DGKH: variants seen among roughly 807,000 people sequenced by gnomAD.
The protein encoded by DGKH is DAG kinase eta.
In DGKH, 90 loss-of-function variants were observed where a neutral mutation model predicts 159.3. The ratio of observed to expected loss-of-function variants is 0.57; its 90% confidence interval spans 0.48 to 0.67. The LOEUF is 0.67. Ranked by LOEUF, DGKH falls within the 30% of genes least tolerant of loss-of-function variation. The pLI, the probability that DGKH is intolerant of heterozygous loss-of-function variation, is 0.00. For synonymous variants in DGKH, 536 were observed against 553.8 expected (o/e 0.97, Z 0.45); for missense variants, 1,181 against 1,506.1 (o/e 0.78, Z 3.57).
intron 7 of DGKH, among the ~76,000 whole-genome samples, chr13:42,163,749 A>T (rs1445259179): frequency 1.3e-5 from 2 of 151,122 alleles, no homozygotes; most frequent in Non-Finnish European, 3.0e-5. Flanking sequence ...TTCATTGTAG[A>T]TTCTGGATAT....
intron 1 of DGKH, among the ~76,000 whole-genome samples, chr13:42,079,242 T>C (rs1463062849): frequency 6.6e-6 from 1 of 152,114 alleles, no homozygotes; most frequent in Non-Finnish European, 1.5e-5. Flanking sequence ...TAAAAATATA[T>C]GTACAAAGTT....
chr13:42,137,936 C>A, intron 3 of DGKH: 1 of 209,442 alleles, frequency 4.8e-6, no homozygotes, highest in Non-Finnish European at 8.3e-6. Flanking sequence ...TGCGCAGGAC[C>A]TGTGGTTGAA....
chr13:42,173,964 CGTGT>C (rs1555270275), intron 11 of DGKH, 92 bp from the exon 12 acceptor site: 278 of 602,268 alleles, frequency 4.6e-4, no homozygotes, highest in African/African-American at 2.0e-3. Flanking sequence ...TGTGTGCGTG[CGTGT>C]GTGTGTGTGT....
At chr13:42,252,755 T>C (rs564003605) in intron 30 of DGKH, among the ~76,000 whole-genome samples, 1 of 152,000 alleles carries the variant, frequency 6.6e-6, no homozygotes, top group East Asian at 1.9e-4. Context: ...CCTACAACTT[T>C]TTTTTTTTTT....
chr13:42,089,840 A>T (rs1425813236), intron 1 of DGKH, among the ~76,000 whole-genome samples: 1 of 152,164 alleles, frequency 6.6e-6, no homozygotes, highest in Non-Finnish European at 1.5e-5. Flanking sequence ...GGATTAGGAC[A>T]TGGTCTCTTT....
intron 1 of DGKH, among the ~76,000 whole-genome samples, chr13:42,043,573 C>T (rs1255990220): frequency 6.6e-6 from 1 of 151,952 alleles, no homozygotes; most frequent in Non-Finnish European, 1.5e-5. Flanking sequence ...CTTAAGAGAT[C>T]CTCCTGACAT....
intron 30 of DGKH, among the ~76,000 whole-genome samples, chr13:42,253,504 C>T (rs1380325411): frequency 6.6e-6 from 1 of 152,172 alleles, no homozygotes; most frequent in Non-Finnish European, 1.5e-5. Flanking sequence ...TACGTATAAA[C>T]TAGCTAGTCT....
chr13:42,165,753 C>G (rs1231549932), intron 8 of DGKH, among the ~76,000 whole-genome samples: 2 of 151,808 alleles, frequency 1.3e-5, no homozygotes, highest in African/African-American at 2.4e-5. Context: ...TTTTTTTCCT[C>G]TATAATTGAA....
At chr13:42,162,135 C>T (rs1183828419) in intron 7 of DGKH, among the ~76,000 whole-genome samples, 4 of 152,188 alleles carry the variant, frequency 2.6e-5, no homozygotes, top group Non-Finnish European at 4.4e-5. Context: ...TTCTGAGCTA[C>T]CATCACCTTA....
intron 29 of DGKH, among the ~76,000 whole-genome samples, chr13:42,227,945 C>G (rs1043326963): frequency 6.6e-6 from 1 of 151,882 alleles, no homozygotes; most frequent in Non-Finnish European, 1.5e-5. Context: ...ATTTTATAAC[C>G]CTGTTTTTTA....
intron 3 of DGKH, among the ~76,000 whole-genome samples, chr13:42,143,757 A>G (rs924566868): frequency 2.6e-5 from 4 of 151,794 alleles, no homozygotes; most frequent in African/African-American, 4.8e-5. Context: ...CCCCTTTATC[A>G]TTTTTTATTG....
rs184907536 is a variant in DGKH, at chr13:42,168,013, A to G, written c.1119-427A>G. On this transcript the variant is annotated intron_variant, in intron 9 of 29. Coordinates refer to ENST00000337343, the MANE Select transcript of DGKH (RefSeq NM_178009.5). ...CAGTTGGGAGTCCTGAGAGCAATAC[A>G]ATGATTGGTGTCTTTAGGAACTGCC... is the stretch of plus-strand genomic sequence containing the variant. Among the ~76,000 whole-genome samples the G allele has an allele frequency of 2.6e-5, 4 of 152,290 alleles. No homozygotes were observed. The East Asian group carries it at 7.7e-4, about 29-fold the overall frequency.
intron 1 of DGKH, among the ~76,000 whole-genome samples, chr13:42,111,910 T>A (rs942989567): frequency 3.2e-4 from 48 of 152,100 alleles, no homozygotes; most frequent in African/African-American, 6.3e-4. Context: ...TGGAAAGCCA[T>A]TTTTTTTATA....
At chr13:42,118,433 A>C (rs1955003647) in intron 1 of DGKH, among the ~76,000 whole-genome samples, 1 of 152,216 alleles carries the variant, frequency 6.6e-6, no homozygotes, top group Non-Finnish European at 1.5e-5. Flanking sequence ...ACCTAATGCC[A>C]TGGATGGTGA....
chr13:42,226,906 T>G (rs1411195912), intron 29 of DGKH, among the ~76,000 whole-genome samples: 2 of 150,830 alleles, frequency 1.3e-5, no homozygotes, highest in Non-Finnish European at 2.9e-5. Flanking sequence ...GGTGTATATA[T>G]ACACCATGGA....
chr13:42,129,831 T>A (rs544828335), intron 3 of DGKH, among the ~76,000 whole-genome samples, 199 bp downstream of exon 3: 14 of 152,330 alleles, frequency 9.2e-5, no homozygotes, highest in Admixed American at 2.0e-4. Flanking sequence ...AGGTTAAATA[T>A]ACTTTTTAAA....
chr13:42,061,159 A>G (rs995663653), intron 1 of DGKH, among the ~76,000 whole-genome samples: 2 of 152,158 alleles, frequency 1.3e-5, no homozygotes, highest in African/African-American at 4.8e-5. Flanking sequence ...GGGCTCACAG[A>G]TTGGTTCAAT....
intron 2 of DGKH, among the ~76,000 whole-genome samples, chr13:42,127,939 A>C (rs1955204686): frequency 1.3e-5 from 2 of 152,176 alleles, no homozygotes; most frequent in African/African-American, 4.8e-5. Flanking sequence ...AGAGAGAGAG[A>C]GAGAGCTGCT....
At chr13:42,087,212 TG>T (rs1444327993) in intron 1 of DGKH, among the ~76,000 whole-genome samples, 2 of 152,142 alleles carry the variant, frequency 1.3e-5, no homozygotes, top group East Asian at 3.8e-4. Context: ...AGAAGGGCCT[TG>T]CCTCAGTAAT....
Sources: allele counts gnomAD v4.1 joint callset (sites outside exome capture counted in the v4.1 genomes callset), GRCh38; gene constraint gnomAD v4.1.1; transcripts MANE v1.5; gene names NCBI Gene and HGNC (gene_info 2026-07-23, HGNC 2026-07-21).